FRAS1: variants seen among roughly 807,000 people sequenced by gnomAD.
The protein encoded by FRAS1 is Fraser extracellular matrix complex subunit 1.
FRAS1 carries 290 observed loss-of-function variants against 435.2 expected under a neutral mutation model. That is an observed-to-expected ratio of 0.67 (90% CI 0.61 to 0.73). The LOEUF (loss-of-function observed/expected upper bound fraction) is 0.73, where lower values mean the gene tolerates loss of function less well. Among genes scored for constraint, FRAS1 ranks in the 30% least tolerant of loss-of-function variants. The pLI is 0.00. For synonymous variants in FRAS1, 1,800 were observed against 1,851.0 expected, an observed-to-expected ratio of 0.97 and a Z score of 0.71; for missense variants, 4,860 against 5,001.5, an observed-to-expected ratio of 0.97 and a Z score of 0.85.
intron 2 of FRAS1, among the ~76,000 whole-genome samples, chr4:78,201,596 C>A (rs1170030246): frequency 1.3e-5 from 2 of 152,176 alleles, no homozygotes; most frequent in African/African-American, 4.8e-5. Flanking sequence ...CCCATATCCA[C>A]CCCTCTACAT....
At chr4:78,074,434 T>C (rs1382392811) in intron 2 of FRAS1, among the ~76,000 whole-genome samples, 1 of 152,158 alleles carries the variant, frequency 6.6e-6, no homozygotes, top group Non-Finnish European at 1.5e-5. Flanking sequence ...TAGATATGTG[T>C]AGTAGTAGTG....
chr4:78,314,327 C>T (rs1468293541), intron 15 of FRAS1, among the ~76,000 whole-genome samples: 2 of 152,148 alleles, frequency 1.3e-5, no homozygotes, highest in African/African-American at 4.8e-5. Flanking sequence ...CCTATTCTTT[C>T]TTGTACTCTG....
At chr4:78,118,890 T>A (rs1215401203) in intron 2 of FRAS1, among the ~76,000 whole-genome samples, 37 of 150,814 alleles carry the variant, frequency 2.5e-4, no homozygotes, top group African/African-American at 2.9e-4. Flanking sequence ...AATGCAGAAA[T>A]CACCCGTCTT....
intron 31 of FRAS1, among the ~76,000 whole-genome samples, chr4:78,408,472 A>T (rs533559847): frequency 2.4e-4 from 37 of 152,314 alleles, no homozygotes; most frequent in African/African-American, 8.7e-4. Flanking sequence ...TTTAAAATAT[A>T]AAAATACTAT....
chr4:78,526,483 T>G, intron 69 of FRAS1, 58 bp from the exon 70 acceptor site: 1 of 1,148,780 alleles, frequency 8.7e-7, no homozygotes, highest in Non-Finnish European at 1.3e-6. Flanking sequence ...TCTTTCTGGG[T>G]AAGCCAGCAA....
intron 20 of FRAS1, among the ~76,000 whole-genome samples, chr4:78,346,229 C>T (rs1344725233): frequency 1.3e-5 from 2 of 152,186 alleles, no homozygotes; most frequent in South Asian, 2.1e-4. Context: ...TGAGCATCAG[C>T]GTCAATGTTG....
At chr4:78,190,448 CT>C (rs899876688) in intron 2 of FRAS1, among the ~76,000 whole-genome samples, 8 of 149,660 alleles carry the variant, frequency 5.3e-5, no homozygotes, top group South Asian at 2.1e-4. Flanking sequence ...CCATTCACTG[CT>C]TTTTTTTTTC....
chr4:78,479,951 A>G (rs1255525403), intron 56 of FRAS1, among the ~76,000 whole-genome samples: 1 of 152,174 alleles, frequency 6.6e-6, no homozygotes, highest in Non-Finnish European at 1.5e-5. Context: ...TTTTGTGGGT[A>G]CATAGTAAGT....
intron 14 of FRAS1, among the ~76,000 whole-genome samples, chr4:78,306,214 G>A (rs1488994492): frequency 6.6e-6 from 1 of 151,896 alleles, no homozygotes; most frequent in Non-Finnish European, 1.5e-5. Flanking sequence ...GGCTTGTAGA[G>A]TTTCGGCCAA....
chr4:78,207,226 C>G (rs747895715), intron 2 of FRAS1, among the ~76,000 whole-genome samples: 3 of 152,166 alleles, frequency 2.0e-5, no homozygotes, highest in Non-Finnish European at 2.9e-5. Flanking sequence ...AAAACTTTTT[C>G]TTCTTCTTTT....
At chr4:78,275,023 G>C (rs1028016308) in intron 9 of FRAS1, among the ~76,000 whole-genome samples, 1 of 152,138 alleles carries the variant, frequency 6.6e-6, no homozygotes, top group East Asian at 1.9e-4. Context: ...ATATATTTAG[G>C]ATAGTTAGCT....
chr4:78,462,778 A>G (rs1719409568), intron 47 of FRAS1, among the ~76,000 whole-genome samples: 2 of 152,262 alleles, frequency 1.3e-5, no homozygotes, highest in Admixed American at 6.5e-5. Context: ...GCACAGAAAC[A>G]TAAAATGCCT....
At chr4:78,298,144 T>G (rs978153017) in intron 14 of FRAS1, among the ~76,000 whole-genome samples, 2 of 148,256 alleles carry the variant, frequency 1.3e-5, no homozygotes, top group African/African-American at 4.9e-5. Flanking sequence ...TAACATATTA[T>G]AAGGTGCATA....
At chr4:78,381,646 ATAG>A (rs1202966727) in intron 27 of FRAS1, among the ~76,000 whole-genome samples, 1 of 152,216 alleles carries the variant, frequency 6.6e-6, no homozygotes, top group African/African-American at 2.4e-5. Flanking sequence ...ACAACTCTGT[ATAG>A]TAGTCACTTT....
chr4:78,281,431 C>T lies in FRAS1; in HGVS notation c.1105C>T (p.Pro369Ser). 1 of 1,564,304 alleles carries T rather than the reference C, an allele frequency of 6.4e-7. No homozygotes were observed. Among genetic ancestry groups the T allele is most frequent in the Non-Finnish European group, 8.7e-7 (1 of 1,154,356 alleles). The part of the protein sequence containing the change: ...SSNASEVKRI[P>S]EGEKWEDGPC... ...AAATGCTAGTGAAGTTAAACGTATTCCAGTAAGTATAGCTTTTTAACTTGC... is the reference window on the plus strand; with the variant it reads ...AAATGCTAGTGAAGTTAAACGTATTTCAGTAAGTATAGCTTTTTAACTTGC... The change falls in exon 11 of 74, where the codon CCA (proline) becomes TCA (serine). Residue 369 changes from proline (P) to serine (S), a missense_variant and splice_region_variant. Transcript: ENST00000512123.
At chr4:78,116,570 T>C (rs1196117521) in intron 2 of FRAS1, among the ~76,000 whole-genome samples, 1 of 152,226 alleles carries the variant, frequency 6.6e-6, no homozygotes, top group Non-Finnish European at 1.5e-5. Context: ...AATTGATCCC[T>C]TTACCATTAC....
intron 2 of FRAS1, among the ~76,000 whole-genome samples, chr4:78,116,154 T>C (rs928011803): frequency 1.3e-5 from 2 of 152,242 alleles, no homozygotes; most frequent in Non-Finnish European, 2.9e-5. Flanking sequence ...GTGAGTGTCT[T>C]AATCCTGAGT....
At chr4:78,489,968 C>CAA (rs61568957) in intron 59 of FRAS1, among the ~76,000 whole-genome samples, 3,693 of 92,470 alleles carry the variant, frequency 0.04, 142 homozygotes, top group African/African-American at 0.065. Flanking sequence ...TAGTGGAAAA[C>CAA]AAAAAAAAAA....
At chr4:78,292,888 A>G (rs1473095192) in intron 14 of FRAS1, among the ~76,000 whole-genome samples, 1 of 152,156 alleles carries the variant, frequency 6.6e-6, no homozygotes, top group Non-Finnish European at 1.5e-5. Context: ...TTTAAATCCT[A>G]TGCATTGTTC....
Sources: allele counts gnomAD v4.1 joint callset (sites outside exome capture counted in the v4.1 genomes callset), GRCh38; gene constraint gnomAD v4.1.1; transcripts MANE v1.5; gene names NCBI Gene and HGNC (gene_info 2026-07-23, HGNC 2026-07-21).